TBXAS1: variants seen among roughly 807,000 people sequenced by gnomAD.
TBXAS1 encodes the protein thromboxane-A synthase.
TBXAS1 carries 48 observed loss-of-function variants against 60.7 expected under a neutral mutation model. The ratio of observed to expected loss-of-function variants is 0.79; its 90% CI spans 0.63 to 1.01. TBXAS1 has a LOEUF of 1.01. TBXAS1 is among the 50% of genes least tolerant of loss of function. The pLI is 0.00. For synonymous variants in TBXAS1, 287 were observed against 269.7 expected, an observed-to-expected ratio of 1.06 and a Z score of -0.63; for missense variants, 685 against 686.3, an observed-to-expected ratio of 1.00 and a Z score of 0.02.
intron 2 of TBXAS1, among the ~76,000 whole-genome samples, chr7:139,874,464 T>C (rs1045019627): frequency 6.6e-6 from 1 of 152,194 alleles, no homozygotes; most frequent in African/African-American, 2.4e-5. Context: ...CCCTGCCAAG[T>C]TCTTTCTAGA....
chr7:139,805,867 C>G (rs1307568345), intron 4 of TBXAS1, among the ~76,000 whole-genome samples: 1 of 148,480 alleles, frequency 6.7e-6, no homozygotes, highest in Non-Finnish European at 1.5e-5. Context: ...TCAAGCAATT[C>G]TCCTGCTTCA....
In TBXAS1 at chr7:139,961,917, A is replaced by G; in HGVS notation, c.820-2A>G. On this transcript the variant is annotated splice_acceptor_variant, in intron 8 of 12. Coordinates refer to ENST00000448866, the MANE Select transcript of TBXAS1 (RefSeq NM_001061.7). LOFTEE classifies it high-confidence loss of function. ...GTGCATTTTTCTCCTTTTGTTCCTTAGAGGCGGAGAGACTTCCTCCAAATG... is the reference window on the plus strand; with the variant it reads ...GTGCATTTTTCTCCTTTTGTTCCTTGGAGGCGGAGAGACTTCCTCCAAATG... 6 of 1,614,246 alleles carry G rather than the reference A, an allele frequency of 3.7e-6. No individual in the cohort carries two copies. Among genetic ancestry groups the G allele is most frequent in the Non-Finnish European group, 5.1e-6 (6 of 1,180,040 alleles).
chr7:139,859,689 AG>A (rs1800833030), intron 1 of TBXAS1, among the ~76,000 whole-genome samples: 1 of 152,212 alleles, frequency 6.6e-6, no homozygotes, highest in Non-Finnish European at 1.5e-5. Context: ...TGAATTTAGA[AG>A]ATTAAGGCCT....
chr7:140,017,743 C>T lies in TBXAS1; in HGVS notation c.1437C>T (p.Cys479=), dbSNP rs758631208. Residue 479 remains cysteine (C), a synonymous_variant, in exon 12 of 13, where the codon TGC becomes TGT. Transcript: ENST00000448866. ...YLPFGAGPRS[C]LGVRLGLLEV... Reference sequence around the variant, plus strand: ...CCTTCGGGGCCGGCCCACGGAGCTGCCTCGGGGTGCGTCTAGGGCTGCTTG... The same window carrying T: ...CCTTCGGGGCCGGCCCACGGAGCTGTCTCGGGGTGCGTCTAGGGCTGCTTG... 6.2e-7 allele frequency: 1 copy of T among 1,614,068 alleles called. No homozygotes were observed. Among genetic ancestry groups the T allele is most frequent in the Non-Finnish European group, 8.5e-7 (1 of 1,179,952 alleles).
At position 139,896,713 on chromosome 7, in the gene TBXAS1, G is replaced by A. The variant is rs541236646; in HGVS notation, c.237-14512G>A. Among the ~76,000 whole-genome samples, 8 of 152,200 alleles carry A rather than the reference G, an allele frequency of 5.3e-5. No individual in the cohort carries two copies. In the East Asian group the frequency reaches 5.8e-4, roughly 11 times the overall value. On this transcript the variant is annotated intron_variant, in intron 3 of 12. Coordinates refer to ENST00000448866, the MANE Select transcript of TBXAS1 (RefSeq NM_001061.7). The surrounding 1 kb of genome is among the most constrained non-coding windows in gnomAD (Gnocchi z 4.0). The stretch of plus-strand genomic sequence containing the variant: ...GGGTTCTTCTTTTGGCCTGGGGAGC[G>A]CTACGAAGACATTACTGAGTCACTA...
intron 4 of TBXAS1, among the ~76,000 whole-genome samples, chr7:139,929,385 TGTGATGGAGTGATGGCTAATTTA>T (rs1200372794): frequency 6.6e-6 from 1 of 152,094 alleles, no homozygotes; most frequent in African/African-American, 2.4e-5. Context: ...GGCTAATTTA[TGTGATGGAGTGATGGCTAATTTA>T]GTGATGGAGT....
chr7:139,949,055 G>A (rs1353414682), intron 5 of TBXAS1, among the ~76,000 whole-genome samples: 1 of 152,108 alleles, frequency 6.6e-6, no homozygotes, highest in Admixed American at 6.5e-5. Context: ...GCAGAGTATC[G>A]CAGAAAATTA....
chr7:139,865,893 G>A lies in TBXAS1; in HGVS notation c.90-6342G>A, dbSNP rs570835227. ...AAGGAGGGAGGGAGGGAAGGAGGAAGGAGGGAGGGAGGAAGGAAGGAAAGA... is the reference window on the plus strand; with the variant it reads ...AAGGAGGGAGGGAGGGAAGGAGGAAAGAGGGAGGGAGGAAGGAAGGAAAGA... On this transcript the variant is annotated intron_variant, in intron 1 of 12. Transcript: ENST00000448866. Among the ~76,000 whole-genome samples, 22 of 139,280 alleles carry A rather than the reference G, an allele frequency of 1.6e-4. 1 individual carries two copies. The highest frequency in any genetic ancestry group is 6.0e-4 in the African/African-American group (21 of 35,226). The allele number at this position is 139,280 out of a possible 152,430, so 91.4% of individuals were successfully genotyped here. A position where few individuals can be genotyped will look rare whatever the true frequency, so the allele number is the denominator to read the frequency against.
chr7:139,866,797 TAG>T (rs1801449293), intron 1 of TBXAS1, among the ~76,000 whole-genome samples: 1 of 151,360 alleles, frequency 6.6e-6, no homozygotes, highest in South Asian at 2.1e-4. Flanking sequence ...AGGAAAAATA[TAG>T]AGAGAGAATG....
intron 4 of TBXAS1, among the ~76,000 whole-genome samples, chr7:139,787,678 G>C (rs530076706): frequency 1.3e-5 from 2 of 152,232 alleles, no homozygotes; most frequent in East Asian, 1.9e-4. Context: ...GGCATTAGGC[G>C]TGAAACCTAA....
At chr7:139,977,074 A>C (rs1811616506) in intron 9 of TBXAS1, among the ~76,000 whole-genome samples, 1 of 152,252 alleles carries the variant, frequency 6.6e-6, no homozygotes, top group African/African-American at 2.4e-5. Flanking sequence ...CATTCAGCAG[A>C]CAAGCCTGTT....
chr7:140,012,693 A>G (rs1354354252), intron 10 of TBXAS1, among the ~76,000 whole-genome samples: 1 of 152,028 alleles, frequency 6.6e-6, no homozygotes, highest in East Asian at 1.9e-4. Flanking sequence ...TCCTGACCTC[A>G]GGTGATCCAC....
At chr7:139,803,620 C>T (rs1055330742) in intron 4 of TBXAS1, among the ~76,000 whole-genome samples, 5 of 152,106 alleles carry the variant, frequency 3.3e-5, no homozygotes, top group Non-Finnish European at 5.9e-5. Flanking sequence ...CTCACAGGCC[C>T]AGAGGTCTAG....
chr7:139,997,734 T>C (rs973547304), intron 9 of TBXAS1, among the ~76,000 whole-genome samples: 1 of 152,192 alleles, frequency 6.6e-6, no homozygotes, highest in South Asian at 2.1e-4. Context: ...TAGAAGAAAC[T>C]AGGATGTCAA....
At chr7:139,890,306 T>C (rs953400214) in intron 3 of TBXAS1, among the ~76,000 whole-genome samples, 3 of 143,884 alleles carry the variant, frequency 2.1e-5, no homozygotes, top group East Asian at 2.2e-4. Flanking sequence ...AGCTCCGCCT[T>C]CCGGGTTCAC....
chr7:139,839,676 C>CAAAAAA (rs1297739214), intron 1 of TBXAS1, among the ~76,000 whole-genome samples: 9 of 89,292 alleles, frequency 1.0e-4, no homozygotes, highest in Non-Finnish European at 2.0e-4. Context: ...CTGCTTCTAC[C>CAAAAAA]AAAAAAAAAA....
chr7:139,879,832 T>TTG (rs57176056), intron 3 of TBXAS1, among the ~76,000 whole-genome samples: 16,769 of 140,206 alleles, frequency 0.12, 1,092 homozygotes, highest in East Asian at 0.17. Context: ...TTATCTCATT[T>TTG]TGTGTGTGTG....
intron 1 of TBXAS1, among the ~76,000 whole-genome samples, chr7:139,834,219 G>T (rs1357847756): frequency 6.6e-6 from 1 of 152,128 alleles, no homozygotes; most frequent in Non-Finnish European, 1.5e-5. Flanking sequence ...TGAGCATTGG[G>T]TAAAAAACAA....
intron 1 of TBXAS1, among the ~76,000 whole-genome samples, chr7:139,780,058 C>T (rs1796934452): frequency 6.6e-6 from 1 of 152,200 alleles, no homozygotes; most frequent in Non-Finnish European, 1.5e-5. Context: ...CTAGCTCTTC[C>T]ACTTAACTAT....
Sources: gnomAD v4.1 joint callset for allele counts (sites outside exome capture counted in the v4.1 genomes callset) on GRCh38, gnomAD v4.1.1 for gene constraint, Gnocchi (gnomAD v3.1) non-coding constraint, MANE v1.5 for transcripts, NCBI Gene and HGNC (gene_info 2026-07-23, HGNC 2026-07-21) for gene names.